Variants in ZNF589 observed in about 807,000 individuals in gnomAD.
ZNF589 encodes the protein KRAB-zinc finger protein SZF1-1.
ZNF589 carries 17 observed loss-of-function variants against 13.6 expected under a neutral mutation model. The observed-to-expected ratio is 1.25, with a 90% CI of 0.86 to 1.88. The LOEUF (loss-of-function observed/expected upper bound fraction) is 1.88, where lower values mean the gene tolerates loss of function less well. Ranked by LOEUF, ZNF589 falls within the 40% of genes most tolerant of loss-of-function variation. The probability of loss-of-function intolerance (pLI) is 0.00; values close to 1 mark genes in which losing one functional copy is unlikely to be tolerated. For synonymous variants in ZNF589, 148 were observed against 161.6 expected, an observed-to-expected ratio of 0.92 and a Z score of 0.64; for missense variants, 407 against 434.0, an observed-to-expected ratio of 0.94 and a Z score of 0.55.
intron 2 of ZNF589, among the ~76,000 whole-genome samples, chr3:48,248,410 T>C (rs553575761): frequency 2.2e-4 from 33 of 152,344 alleles, no homozygotes; most frequent in Admixed American, 7.2e-4. Context: ...TGATGCCTTC[T>C]TGACTGTTTT....
rs776184704 is a variant in ZNF589, at chr3:48,260,899, A to C, written c.183A>C (p.Lys61Asn). The C allele has an allele frequency of 6.8e-6, 11 of 1,614,076 alleles. No individual in the cohort carries two copies. Among genetic ancestry groups the C allele is most frequent in the Non-Finnish European group, 7.6e-6 (9 of 1,180,042 alleles). ...RLSLEQRNLYKEVMLENLRNL... is the reference protein window; with the variant it reads ...RLSLEQRNLYNEVMLENLRNL... ...GCCTTGAGCAGAGGAACCTATACAA[A>C]GAAGTGATGCTGGAAAATCTCAGGA... Residue 61 changes from lysine to asparagine, a missense_variant, in exon 3 of 4, where the codon AAA becomes AAC. Physicochemically the swap from Lys to Asn is moderately conservative, Grantham distance 94. Coordinates refer to ENST00000354698, the MANE Select transcript of ZNF589 (RefSeq NM_016089.3).
In ZNF589 at chr3:48,269,499, G is replaced by A; in HGVS notation, c.*713G>A. 5.3e-6 allele frequency: 2 copies of A among 379,114 alleles called. No homozygotes were observed. The highest frequency in any genetic ancestry group is 2.3e-5 in the South Asian group (1 of 42,704). The allele number at this position is 379,114 out of a possible 1,614,324, so 23.5% of individuals were successfully genotyped here. ...CGGAAGATACTCCTCAACAGACACTGGAGGACACACACAGGAGAGAAACCT... is the reference window on the plus strand; with the variant it reads ...CGGAAGATACTCCTCAACAGACACTAGAGGACACACACAGGAGAGAAACCT... On this transcript the variant is annotated 3_prime_UTR_variant, in exon 4 of 4. Coordinates refer to ENST00000354698, the MANE Select transcript of ZNF589 (RefSeq NM_016089.3).
intron 3 of ZNF589, among the ~76,000 whole-genome samples, chr3:48,262,766 C>T (rs2033980789): frequency 6.6e-6 from 1 of 152,036 alleles, no homozygotes. Flanking sequence ...GAATATAAAT[C>T]TATTTTAGAT....
chr3:48,269,269 GC>G lies in ZNF589; in HGVS notation c.*485del. The G allele has an allele frequency of 6.5e-7, 1 of 1,537,068 alleles. No homozygotes were observed. The highest frequency in any genetic ancestry group is 8.9e-7 in the Non-Finnish European group (1 of 1,127,144). On this transcript the variant is annotated 3_prime_UTR_variant, in exon 4 of 4. Transcript: ENST00000354698. ...ACCAGAGGACACACACAGGAGAAAAGCCTTATGTCTGCGGAGAGTGTGGGCG... is the reference window on the plus strand; with the variant it reads ...ACCAGAGGACACACACAGGAGAAAAGCTTATGTCTGCGGAGAGTGTGGGCG...
chr3:48,269,568 C>G lies in ZNF589; in HGVS notation c.*782C>G. 2 of 336,290 alleles carry G rather than the reference C, an allele frequency of 5.9e-6. No individual in the cohort carries two copies. The highest frequency in any genetic ancestry group is 2.7e-5 in the South Asian group (1 of 37,696). 20.8% of individuals were successfully genotyped at this position (336,290 alleles called of 1,614,324 possible). On this transcript the variant is annotated 3_prime_UTR_variant, in exon 4 of 4. Transcript: ENST00000354698. ...GGGCGAAACTTTAGCCACAAGTCCACTCTCAGCTTACATCAGAGGATACAC... is the reference window on the plus strand; with the variant it reads ...GGGCGAAACTTTAGCCACAAGTCCAGTCTCAGCTTACATCAGAGGATACAC...
intron 2 of ZNF589, among the ~76,000 whole-genome samples, chr3:48,250,058 G>A (rs1366454764): frequency 6.6e-6 from 1 of 151,818 alleles, no homozygotes; most frequent in African/African-American, 2.4e-5. Flanking sequence ...AGCTTGGGAG[G>A]TGGAGGTTGC....
At chr3:48,250,142 T>A (rs969708341) in intron 2 of ZNF589, among the ~76,000 whole-genome samples, 2 of 150,648 alleles carry the variant, frequency 1.3e-5, no homozygotes, top group South Asian at 4.2e-4. Flanking sequence ...AAAAAAAAAA[T>A]ACAATTTATT....
intron 3 of ZNF589, 69 bp from the exon 4 acceptor site, chr3:48,267,846 C>G: frequency 6.8e-7 from 1 of 1,473,084 alleles, no homozygotes; most frequent in Non-Finnish European, 9.1e-7. Context: ...TGGGCCAGGT[C>G]TTATCATAAA....
chr3:48,260,028 T>G (rs2033953688), intron 2 of ZNF589, among the ~76,000 whole-genome samples: 1 of 152,156 alleles, frequency 6.6e-6, no homozygotes, highest in Non-Finnish European at 1.5e-5. Flanking sequence ...AGAAGTTGAT[T>G]GGTGACTCCC....
chr3:48,243,549 C>T (rs986206762), intron 1 of ZNF589, among the ~76,000 whole-genome samples: 1 of 152,150 alleles, frequency 6.6e-6, no homozygotes, highest in South Asian at 2.1e-4. Context: ...CGGTGACTCA[C>T]GTTTGTAATC....
intron 2 of ZNF589, among the ~76,000 whole-genome samples, chr3:48,253,723 C>T (rs1054117608): frequency 5.9e-5 from 9 of 151,648 alleles, no homozygotes; most frequent in South Asian, 2.1e-4. Flanking sequence ...AGGATGGTCT[C>T]GATCTCCTGA....
intron 2 of ZNF589, among the ~76,000 whole-genome samples, chr3:48,259,343 T>C (rs963730531): frequency 6.6e-6 from 1 of 152,230 alleles, no homozygotes; most frequent in African/African-American, 2.4e-5. Context: ...TGTGCTGGGT[T>C]TTATTAAATC....
intron 2 of ZNF589, among the ~76,000 whole-genome samples, chr3:48,252,038 C>CA (rs768367907): frequency 3.0e-4 from 45 of 147,834 alleles, no homozygotes; most frequent in East Asian, 1.2e-3. Flanking sequence ...GACCCTGTCT[C>CA]AAAAAAAAAG....
intron 1 of ZNF589, among the ~76,000 whole-genome samples, chr3:48,247,152 G>T (rs933486173): frequency 1.3e-5 from 2 of 150,166 alleles, no homozygotes; most frequent in Non-Finnish European, 3.0e-5. Flanking sequence ...TTTATTTTTA[G>T]TGGAGTTGGG....
At chr3:48,250,451 C>T (rs1244655287) in intron 2 of ZNF589, among the ~76,000 whole-genome samples, 5 of 151,566 alleles carry the variant, frequency 3.3e-5, no homozygotes, top group African/African-American at 1.2e-4. Flanking sequence ...TGCACTTGGC[C>T]TACTCTCTGC....
intron 2 of ZNF589, among the ~76,000 whole-genome samples, chr3:48,260,086 A>T (rs1175075226): frequency 6.6e-6 from 1 of 152,172 alleles, no homozygotes; most frequent in Non-Finnish European, 1.5e-5. Flanking sequence ...TAAAGATAGA[A>T]CACCACTGAA....
rs777691332 is a variant in ZNF589, at chr3:48,247,682, G to A, written c.96+5G>A. On this transcript the variant is annotated splice_donor_5th_base_variant and intron_variant, in intron 2 of 3. Transcript: ENST00000354698. ...GAAGAGAAGCCTAGATATCTGGTGA[G>A]TTGGGCCCGCCCTTCTCTTTTCTGA... 6.2e-7 allele frequency: 1 copy of A among 1,613,466 alleles called. No individual in the cohort carries two copies. Among genetic ancestry groups the A allele is most frequent in the Non-Finnish European group, 8.5e-7 (1 of 1,179,620 alleles).
intron 1 of ZNF589, among the ~76,000 whole-genome samples, chr3:48,244,096 C>A (rs1452653575): frequency 1.3e-5 from 2 of 152,118 alleles, no homozygotes; most frequent in Non-Finnish European, 2.9e-5. Flanking sequence ...AGTCAGGACT[C>A]AGGAGGTAGG....
chr3:48,245,026 G>A (rs2033745105), intron 1 of ZNF589, among the ~76,000 whole-genome samples: 1 of 151,968 alleles, frequency 6.6e-6, no homozygotes, highest in Admixed American at 6.6e-5. Context: ...TGTTGGCCAG[G>A]CTGGTCTCGA....
Sources: allele counts gnomAD v4.1 joint callset (sites outside exome capture counted in the v4.1 genomes callset), GRCh38; gene constraint gnomAD v4.1.1; transcripts MANE v1.5; gene names NCBI Gene and HGNC (gene_info 2026-07-23, HGNC 2026-07-21).